The following PTPRD variants were observed in gnomAD, a reference collection of about 807,000 sequenced individuals.
PTPRD encodes the protein receptor-type tyrosine-protein phosphatase delta.
PTPRD carries 34 observed loss-of-function variants against 214.5 expected under a neutral mutation model. The observed-to-expected ratio is 0.16, with a 90% CI of 0.12 to 0.21. PTPRD has a LOEUF of 0.21. PTPRD is among the 10% of genes least tolerant of loss of function. The pLI is 1.00. For synonymous variants in PTPRD, 1,128 were observed against 845.7 expected, an observed-to-expected ratio of 1.33 and a Z score of -5.79; for missense variants, 2,545 against 2,398.7, an observed-to-expected ratio of 1.06 and a Z score of -1.27.
chr9:8,905,730 C>G (rs1057150805), intron 11 of PTPRD, among the ~76,000 whole-genome samples: 1 of 138,332 alleles, frequency 7.2e-6, no homozygotes, highest in Non-Finnish European at 1.5e-5. Context: ...CAGAGTGAGA[C>G]TCCCTCGCAA....
intron 38 of PTPRD, 83 bp downstream of exon 38, chr9:8,376,524 C>T: frequency 3.3e-5 from 52 of 1,577,290 alleles, no homozygotes; most frequent in Non-Finnish European, 4.3e-5. Flanking sequence ...TTAAGTAAAG[C>T]CTTAAGAGAT....
At chr9:10,238,731 G>C (rs1309522996) in intron 3 of PTPRD, among the ~76,000 whole-genome samples, 2 of 151,854 alleles carry the variant, frequency 1.3e-5, no homozygotes, top group Non-Finnish European at 2.9e-5. Context: ...GTTATGCCTA[G>C]AAATAATATT....
Position 10,183,596 on chromosome 9 carries a change from C to CT in PTPRD, c.-544-149807dup, listed in dbSNP as rs200335694. Among the ~76,000 whole-genome samples, 53 of 151,914 alleles carry CT rather than the reference C, an allele frequency of 3.5e-4. No homozygotes were observed. The East Asian group carries it at 8.3e-3, about 24-fold the overall frequency. On this transcript the variant is annotated intron_variant, in intron 3 of 45. Coordinates refer to ENST00000381196, the MANE Select transcript of PTPRD (RefSeq NM_002839.4). ...GGTGTTTGATTTATTTAATTTCTTT[C>CT]TTTTTTTTCACCTTTTCTCAAGGAC...
rs928962027 is a variant in PTPRD, at chr9:9,589,322, A to AT, written c.-286-14542dup. On this transcript the variant is annotated intron_variant, in intron 7 of 45. Coordinates refer to ENST00000381196, the MANE Select transcript of PTPRD (RefSeq NM_002839.4). Reference sequence around the variant, plus strand: ...AATTTAGATGTTCTTGGTTGCAGCTATTTTTTTTTTCATTTATTTAATAAA... The same window carrying AT: ...AATTTAGATGTTCTTGGTTGCAGCTATTTTTTTTTTTCATTTATTTAATAAA... 1.5e-3 allele frequency among the ~76,000 whole-genome samples: 220 copies of AT among 149,544 alleles called. 1 individual carries two copies. The highest frequency in any genetic ancestry group is 3.9e-3 in the African/African-American group (159 of 40,912).
chr9:9,632,886 G>C (rs1352246404), intron 7 of PTPRD, among the ~76,000 whole-genome samples: 1 of 152,196 alleles, frequency 6.6e-6, no homozygotes, highest in Non-Finnish European at 1.5e-5. Context: ...AGAATTGTTA[G>C]GTTTGAATGA....
chr9:9,581,352 G>C (rs773617323), intron 7 of PTPRD, among the ~76,000 whole-genome samples: 3 of 151,974 alleles, frequency 2.0e-5, no homozygotes, highest in Non-Finnish European at 4.4e-5. Context: ...GAATGATTTT[G>C]GCATAGGTTA....
intron 3 of PTPRD, among the ~76,000 whole-genome samples, chr9:10,281,380 T>G (rs974615522): frequency 2.0e-5 from 3 of 152,210 alleles, no homozygotes; most frequent in Non-Finnish European, 4.4e-5. Flanking sequence ...CCTTTCACAG[T>G]TAATGGATGA....
intron 2 of PTPRD, among the ~76,000 whole-genome samples, chr9:10,477,958 C>G (rs1988305): frequency 0.044 from 6,725 of 151,600 alleles, 500 homozygotes; most frequent in African/African-American, 0.15. Context: ...GGGAGGTGGA[C>G]ATCACACCGA....
In PTPRD at chr9:8,934,512, T is replaced by A. The variant is rs1210703810; in HGVS notation, c.-104+84185A>T. Among the ~76,000 whole-genome samples, 87 of 39,876 alleles carry A rather than the reference T, an allele frequency of 2.2e-3. 7 individuals carry two copies. The highest frequency in any genetic ancestry group is 8.7e-3 in the East Asian group (8 of 916). The allele number at this position is 39,876 out of a possible 152,430, so 26.2% of individuals were successfully genotyped here. ...ATATATAAATATATATATAAATATATATATATAAATATATATATATATGGG... is the reference window on the plus strand; with the variant it reads ...ATATATAAATATATATATAAATATAAATATATAAATATATATATATATGGG... On this transcript the variant is annotated intron_variant, in intron 11 of 45. Coordinates refer to ENST00000381196, the MANE Select transcript of PTPRD (RefSeq NM_002839.4).
At chr9:8,395,483 C>T (rs2090875980) in intron 36 of PTPRD, among the ~76,000 whole-genome samples, 1 of 152,116 alleles carries the variant, frequency 6.6e-6, no homozygotes, top group African/African-American at 2.4e-5. Context: ...GACAGCCACA[C>T]GTGGCTGCAT....
chr9:8,461,823 T>C (rs539291926), intron 32 of PTPRD, among the ~76,000 whole-genome samples: 10 of 148,052 alleles, frequency 6.8e-5, no homozygotes, highest in African/African-American at 2.4e-4. Context: ...TTTAAAAAAA[T>C]TTTTTTTATA....
chr9:9,985,133 A>G (rs891095115), intron 4 of PTPRD, among the ~76,000 whole-genome samples: 3 of 152,212 alleles, frequency 2.0e-5, no homozygotes, highest in African/African-American at 7.2e-5. Context: ...CTCTACTTCA[A>G]TTCTGTGGGT....
intron 12 of PTPRD, among the ~76,000 whole-genome samples, chr9:8,689,387 CTG>C (rs1395025131): frequency 6.6e-6 from 1 of 152,146 alleles, no homozygotes; most frequent in Non-Finnish European, 1.5e-5. Flanking sequence ...TGTTTTTACA[CTG>C]CTGATGAAGA....
chr9:9,123,546 T>A (rs957662628), intron 10 of PTPRD, among the ~76,000 whole-genome samples: 2 of 151,230 alleles, frequency 1.3e-5, no homozygotes, highest in African/African-American at 4.9e-5. Context: ...AGAGAAACAT[T>A]TTTTTTTTCC....
intron 3 of PTPRD, among the ~76,000 whole-genome samples, chr9:10,130,420 C>G (rs2098855010): frequency 6.6e-6 from 1 of 152,004 alleles, no homozygotes; most frequent in Non-Finnish European, 1.5e-5. Flanking sequence ...GTCATATTTG[C>G]CCTCTCTTTA....
At chr9:10,449,306 G>A (rs545166127) in intron 2 of PTPRD, among the ~76,000 whole-genome samples, 13 of 152,052 alleles carry the variant, frequency 8.5e-5, no homozygotes, top group Middle Eastern at 3.4e-3. Flanking sequence ...CTCCCGAGGC[G>A]CCGGGATTGC....
In PTPRD at chr9:9,820,250, T is replaced by A. The variant is rs1056036178; in HGVS notation, c.-367-53399A>T. On this transcript the variant is annotated intron_variant, in intron 5 of 45. Transcript: ENST00000381196. ...CTCTGATGATCAGTAAGGTTGAGCA[T>A]TTTTTTCAGATGTTTGTTTACCGCT... 4.6e-5 allele frequency among the ~76,000 whole-genome samples: 7 copies of A among 152,200 alleles called. 1 individual carries two copies. The highest frequency in any genetic ancestry group is 2.0e-4 in the Admixed American group (3 of 15,276).
At chr9:8,815,404 C>A (rs2096900358) in intron 11 of PTPRD, among the ~76,000 whole-genome samples, 1 of 152,140 alleles carries the variant, frequency 6.6e-6, no homozygotes, top group Admixed American at 6.5e-5. Flanking sequence ...GTGATCCAGT[C>A]TTTCCCAATA....
chr9:10,201,959 G>A (rs533508255), intron 3 of PTPRD, among the ~76,000 whole-genome samples: 8 of 151,776 alleles, frequency 5.3e-5, no homozygotes, highest in Non-Finnish European at 8.8e-5. Context: ...ATCAGGCCAC[G>A]TCTGAATTAT....
Sources: gnomAD v4.1 joint callset for allele counts (sites outside exome capture counted in the v4.1 genomes callset) on GRCh38, gnomAD v4.1.1 for gene constraint, MANE v1.5 for transcripts, NCBI Gene and HGNC (gene_info 2026-07-23, HGNC 2026-07-21) for gene names.